SMAP2: variants seen among roughly 807,000 people sequenced by gnomAD.
SMAP2 encodes the protein small ArfGAP2.
In SMAP2, 25 loss-of-function variants were observed where a neutral mutation model predicts 56.4. The ratio of observed to expected loss-of-function variants is 0.44; its 90% CI spans 0.32 to 0.62. The LOEUF is 0.62. SMAP2 is among the 20% of genes least tolerant of loss of function. The pLI is 0.04. For missense variants in SMAP2, 388 were observed against 545.6 expected (o/e 0.71, Z 2.88); for synonymous variants, 157 against 181.7 (o/e 0.86, Z 1.09).
chr1:40,417,004 C>T lies in SMAP2; in HGVS notation c.1072C>T (p.Gln358Ter). 2 of 1,614,208 alleles carry T rather than the reference C, an allele frequency of 1.2e-6. No individual in the cohort carries two copies. Among genetic ancestry groups the T allele is most frequent in the South Asian group, 1.1e-5 (1 of 91,084 alleles). Reference sequence around the variant, plus strand: ...TGTGCCGAATGGAATGATGACCACCCAGCAGGCTGGCTACATGGCAGGCAT... The same window carrying T: ...TGTGCCGAATGGAATGATGACCACCTAGCAGGCTGGCTACATGGCAGGCAT... ...MGVPNGMMTT[Q>*]QAGYMAGMAA... The change falls in exon 9 of 10, where the codon CAG becomes TAG. Residue 358 changes from glutamine (Q) to a stop codon, truncating the protein, a stop_gained. Coordinates refer to ENST00000372718, the MANE Select transcript of SMAP2 (RefSeq NM_022733.3). LOFTEE classifies it high-confidence loss of function.
chr1:40,387,459 C>T (rs991228809), intron 1 of SMAP2, among the ~76,000 whole-genome samples: 5 of 151,998 alleles, frequency 3.3e-5, no homozygotes, highest in Non-Finnish European at 7.4e-5. Flanking sequence ...AAAAAGTTAC[C>T]AAGGGGATTC....
chr1:40,409,273 G>A (rs1450190655), intron 3 of SMAP2, among the ~76,000 whole-genome samples: 1 of 151,954 alleles, frequency 6.6e-6, no homozygotes, highest in Non-Finnish European at 1.5e-5. Flanking sequence ...AGATCATCTT[G>A]TTAAGGTTCT....
At chr1:40,419,980 G>C (rs1194054701) in intron 9 of SMAP2, among the ~76,000 whole-genome samples, 1 of 152,154 alleles carries the variant, frequency 6.6e-6, no homozygotes, top group East Asian at 1.9e-4. Context: ...TGTGAAGTTT[G>C]TGGGCACTAT....
chr1:40,388,053 C>T (rs528357753), intron 1 of SMAP2, among the ~76,000 whole-genome samples: 6 of 152,186 alleles, frequency 3.9e-5, no homozygotes, highest in African/African-American at 9.6e-5. Context: ...ACCGGCGCTG[C>T]GCTGGATTTC....
chr1:40,355,949 G>A (rs1233074720), intron 1 of SMAP2, among the ~76,000 whole-genome samples: 2 of 151,792 alleles, frequency 1.3e-5, no homozygotes, highest in African/African-American at 4.8e-5. Flanking sequence ...CTATATTTTT[G>A]TACCCGTTAA....
At chr1:40,350,226 C>T (rs913805359) in intron 1 of SMAP2, among the ~76,000 whole-genome samples, 1 of 152,158 alleles carries the variant, frequency 6.6e-6, no homozygotes, top group African/African-American at 2.4e-5. Context: ...TCACTGGTTT[C>T]CTGAGTCATG....
At position 40,394,078 on chromosome 1, in the gene SMAP2, C is replaced by G. The variant is rs189606742; in HGVS notation, c.104-12658C>G. On this transcript the variant is annotated intron_variant, in intron 1 of 9. Coordinates refer to ENST00000372718, the MANE Select transcript of SMAP2 (RefSeq NM_022733.3). The stretch of plus-strand genomic sequence containing the variant: ...TTTATCATTTGCAACTGAGTTCATT[C>G]ATATGCTTGTTTTCAAGAATTTTTT... Among the ~76,000 whole-genome samples, 5 of 152,242 alleles carry G rather than the reference C, an allele frequency of 3.3e-5. No individual in the cohort carries two copies. The East Asian group carries it at 9.6e-4, about 29-fold the overall frequency.
chr1:40,381,166 G>T (rs887032150), intron 1 of SMAP2, among the ~76,000 whole-genome samples: 46 of 152,286 alleles, frequency 3.0e-4, no homozygotes, highest in Non-Finnish European at 5.9e-5. Context: ...AACTTCGCAA[G>T]CCTGAGATCC....
At chr1:40,399,070 A>G (rs1557441338) in intron 1 of SMAP2, among the ~76,000 whole-genome samples, 1 of 152,218 alleles carries the variant, frequency 6.6e-6, no homozygotes, top group Admixed American at 6.5e-5. Flanking sequence ...TAGGAAAATC[A>G]CTTGAGGCCA....
At chr1:40,410,198 A>T (rs1286502786) in intron 4 of SMAP2, among the ~76,000 whole-genome samples, 1 of 152,100 alleles carries the variant, frequency 6.6e-6, no homozygotes, top group Non-Finnish European at 1.5e-5. Context: ...GTGAGCTGTG[A>T]TTGCACCACT....
chr1:40,394,328 C>T (rs750129659), intron 1 of SMAP2, among the ~76,000 whole-genome samples: 1 of 152,148 alleles, frequency 6.6e-6, no homozygotes, highest in Non-Finnish European at 1.5e-5. Flanking sequence ...ATCATCAGTT[C>T]ACTCCATGAA....
intron 1 of SMAP2, among the ~76,000 whole-genome samples, chr1:40,388,377 G>A (rs1169910621): frequency 2.6e-5 from 4 of 152,140 alleles, no homozygotes; most frequent in Admixed American, 1.3e-4. Context: ...TACACCAGTC[G>A]GCACTCTGTA....
chr1:40,353,411 C>T (rs577237808), intron 1 of SMAP2, among the ~76,000 whole-genome samples: 1 of 152,136 alleles, frequency 6.6e-6, no homozygotes, highest in South Asian at 2.1e-4. Context: ...TCTTGTTGCC[C>T]AGGCTGGAGT....
At chr1:40,418,618 T>G (rs1645012688) in intron 9 of SMAP2, among the ~76,000 whole-genome samples, 1 of 152,170 alleles carries the variant, frequency 6.6e-6, no homozygotes, top group Non-Finnish European at 1.5e-5. Context: ...TAAAGAACAT[T>G]CAAAATGTTT....
rs149900946 is a variant in SMAP2, at chr1:40,393,836, C to T, written c.104-12900C>T. Among the ~76,000 whole-genome samples the T allele has an allele frequency of 3.5e-4, 53 of 152,254 alleles. No individual in the cohort carries two copies. The South Asian group carries it at 4.1e-3, about 12-fold the overall frequency. ...GCTGGGATTAAGGCGTGAGGCACCG[C>T]GCCCGGCCACTTCTAACCTTTTTAA... On this transcript the variant is annotated intron_variant, in intron 1 of 9. Transcript: ENST00000372718.
At chr1:40,352,958 C>T (rs1263680130) in intron 1 of SMAP2, among the ~76,000 whole-genome samples, 1 of 152,222 alleles carries the variant, frequency 6.6e-6, no homozygotes. Context: ...TCTGAAAGTT[C>T]TAAGACTACG....
At chr1:40,373,239 G>C (rs1229759667), upstream of SMAP2, among the ~76,000 whole-genome samples, 1 of 152,166 alleles carries the variant, frequency 6.6e-6, no homozygotes, top group African/African-American at 2.4e-5. Context: ...GAGGTGACCA[G>C]AGTCCTCTGA....
In SMAP2 at chr1:40,376,096, G is replaced by A. The variant is rs986539339; in HGVS notation, c.103+1873G>A. Among the ~76,000 whole-genome samples the A allele has an allele frequency of 1.1e-4, 16 of 152,060 alleles. 1 individual carries two copies. In the South Asian group the frequency reaches 2.1e-3, roughly 20 times the overall value. On this transcript the variant is annotated intron_variant, in intron 1 of 9. Transcript: ENST00000372718. ...CTCCCGAGTACCTGGGATTACAGGC[G>A]CCCGCCACCATGCCCAGCTGATTTT...
Position 40,414,291 on chromosome 1 carries a change from C to A in SMAP2, c.571+51C>A, listed in dbSNP as rs538848570. 11 of 1,544,004 alleles carry A rather than the reference C, an allele frequency of 7.1e-6. No individual in the cohort carries two copies. The East Asian group carries it at 1.3e-4, about 19-fold the overall frequency. On this transcript the variant is annotated intron_variant, in intron 6 of 9. Coordinates refer to ENST00000372718, the MANE Select transcript of SMAP2 (RefSeq NM_022733.3). The stretch of plus-strand genomic sequence containing the variant: ...ATGTTCTTACAAATTTTGATAAATT[C>A]TCAGTGACCCTGGAAGATAGGTAGA...
Sources: gnomAD v4.1 joint callset for allele counts (sites outside exome capture counted in the v4.1 genomes callset) on GRCh38, gnomAD v4.1.1 for gene constraint, MANE v1.5 for transcripts, NCBI Gene and HGNC (gene_info 2026-07-23, HGNC 2026-07-21) for gene names.